CNOT1: variants seen among roughly 807,000 people sequenced by gnomAD.
CNOT1 encodes CCR4-associated factor 1.
CNOT1 carries 15 observed loss-of-function variants against 273.8 expected under a neutral mutation model. The ratio of observed to expected loss-of-function variants is 0.05; its 90% CI spans 0.04 to 0.08. The LOEUF (loss-of-function observed/expected upper bound fraction) is 0.08. CNOT1 is among the 10% of genes least tolerant of loss of function. The probability of loss-of-function intolerance (pLI) is 1.00; values close to 1 mark genes in which losing one functional copy is unlikely to be tolerated. For missense variants in CNOT1, 1,644 were observed against 2,912.2 expected (o/e 0.56, Z 10.02); for synonymous variants, 1,022 against 1,005.5 (o/e 1.02, Z -0.31).
intron 1 of CNOT1, among the ~76,000 whole-genome samples, chr16:58,611,221 G>T (rs191417776): frequency 3.3e-5 from 5 of 150,634 alleles, no homozygotes; most frequent in Non-Finnish European, 7.4e-5. Context: ...CTGAGCTCAG[G>T]AGTTCAAGAC....
At chr16:58,592,114 C>T (rs1016197523) in intron 2 of CNOT1, among the ~76,000 whole-genome samples, 2 of 152,150 alleles carry the variant, frequency 1.3e-5, no homozygotes, top group African/African-American at 4.8e-5. Context: ...TTACTCGTCT[C>T]CCCTTCCCAA....
intron 39 of CNOT1, among the ~76,000 whole-genome samples, chr16:58,535,985 C>T (rs949589775): frequency 2.6e-5 from 4 of 152,150 alleles, no homozygotes; most frequent in South Asian, 2.1e-4. Flanking sequence ...CCGCCTGCCT[C>T]GGCCTCCCAA....
intron 32 of CNOT1, 44 bp downstream of exon 32, chr16:58,542,384 A>G (rs1203965228): frequency 1.1e-5 from 18 of 1,612,870 alleles, no homozygotes; most frequent in Non-Finnish European, 1.5e-5. Flanking sequence ...GCACTTCCCT[A>G]AATTAAAAAA....
intron 3 of CNOT1, among the ~76,000 whole-genome samples, chr16:58,588,110 C>T (rs977101400): frequency 2.6e-5 from 4 of 152,052 alleles, no homozygotes. Context: ...ACCTGCCTGG[C>T]CAACATGGTA....
rs1471396222 is a variant in CNOT1 at position 58,622,178 on chromosome 16, G to C, written c.-175+7550C>G. 8.6e-5 allele frequency among the ~76,000 whole-genome samples: 13 copies of C among 151,438 alleles called. 1 individual carries two copies. The South Asian group carries it at 2.5e-3, about 29-fold the overall frequency. On this transcript the variant is annotated intron_variant, in intron 1 of 48. Transcript: ENST00000317147. Reference sequence around the variant, plus strand: ...AACTATAAAAAATTAGCCAGGCGTGGTGGTGGGCGCCTGTAGTCCCAGTTA... The same window carrying C: ...AACTATAAAAAATTAGCCAGGCGTGCTGGTGGGCGCCTGTAGTCCCAGTTA...
At chr16:58,546,944 A>G (rs948852748) in intron 27 of CNOT1, among the ~76,000 whole-genome samples, 195 bp from the exon 28 acceptor site, 2 of 152,240 alleles carry the variant, frequency 1.3e-5, no homozygotes, top group Admixed American at 1.3e-4. Context: ...CAAAACCCCT[A>G]GCCTTCTCAC....
intron 1 of CNOT1, among the ~76,000 whole-genome samples, chr16:58,626,137 A>G (rs1328249296): frequency 6.6e-6 from 1 of 152,064 alleles, no homozygotes; most frequent in African/African-American, 2.4e-5. Flanking sequence ...GCCGGGTGCT[A>G]TGGCTCACGC....
At position 58,534,734 on chromosome 16, in the gene CNOT1, G is replaced by A. The variant is rs1050225043; in HGVS notation, c.5647-339C>T. The stretch of plus-strand genomic sequence containing the variant: ...TAACTGTAAGTCATGTTAAGACATT[G>A]TGGACTCCAAGGAGAAGACTAAATT... On this transcript the variant is annotated intron_variant, in intron 39 of 48. Transcript: ENST00000317147. Among the ~76,000 whole-genome samples the A allele has an allele frequency of 3.3e-5, 5 of 152,198 alleles. No individual in the cohort carries two copies. The East Asian group carries it at 7.7e-4, about 23-fold the overall frequency.
At chr16:58,604,610 C>G (rs1433514114) in intron 1 of CNOT1, among the ~76,000 whole-genome samples, 2 of 139,958 alleles carry the variant, frequency 1.4e-5, no homozygotes, top group East Asian at 4.2e-4. Flanking sequence ...GGAGAAACCC[C>G]ATCTCTGCTA....
In CNOT1 at chr16:58,547,438, T is replaced by C; in HGVS notation, c.3639+128A>G. The C allele has an allele frequency of 2.0e-6, 3 of 1,506,040 alleles. No individual in the cohort carries two copies. The highest frequency in any genetic ancestry group is 2.7e-6 in the Non-Finnish European group (3 of 1,120,214). 93.3% of individuals were successfully genotyped at this position (1,506,040 alleles called of 1,614,324 possible). A position where few individuals can be genotyped will look rare whatever the true frequency, so the allele number is the denominator to read the frequency against. On this transcript the variant is annotated intron_variant, in intron 26 of 48. Transcript: ENST00000317147. This position sits in a 1 kb window ranked among gnomAD's most constrained non-coding sequence, Gnocchi z 4.0. ...TAGTCCTTGCCTTACAAAAAGGGGTTAACAACTCAAAACGTGGGCCAAAAT... is the reference window on the plus strand; with the variant it reads ...TAGTCCTTGCCTTACAAAAAGGGGTCAACAACTCAAAACGTGGGCCAAAAT...
intron 13 of CNOT1, 122 bp from the exon 14 acceptor site, chr16:58,576,704 AAG>A: frequency 6.9e-7 from 1 of 1,441,584 alleles, no homozygotes; most frequent in Non-Finnish European, 9.3e-7. Context: ...TGCTGACATT[AAG>A]TTCAGGCCTC....
chr16:58,601,996 A>G (rs2042483869), intron 1 of CNOT1, among the ~76,000 whole-genome samples: 1 of 151,996 alleles, frequency 6.6e-6, no homozygotes, highest in Admixed American at 6.6e-5. Flanking sequence ...TTGGCTTCAC[A>G]ATATTGGAGT....
Position 58,547,322 on chromosome 16 carries a change from A to T in CNOT1, c.3640-26T>A, listed in dbSNP as rs753593386. On this transcript the variant is annotated intron_variant, in intron 26 of 48. Transcript: ENST00000317147. This position sits in a 1 kb window ranked among gnomAD's most constrained non-coding sequence, Gnocchi z 4.0. ...CTAGAATAAGAAAAATACTTTCAAA[A>T]GCGGGGAATATACCCCCCAAAATGG... 27 of 1,611,238 alleles carry T rather than the reference A, an allele frequency of 1.7e-5. No individual in the cohort carries two copies. The highest frequency in any genetic ancestry group is 2.1e-5 in the Non-Finnish European group (25 of 1,179,028).
intron 34 of CNOT1, among the ~76,000 whole-genome samples, 193 bp downstream of exon 34, chr16:58,541,308 C>T (rs1002905048): frequency 2.6e-5 from 4 of 152,134 alleles, no homozygotes; most frequent in African/African-American, 9.7e-5. Flanking sequence ...TCACCCACAC[C>T]CATGTCAATT....
At chr16:58,532,769 C>T (rs1437550872) in intron 40 of CNOT1, 1 of 173,840 alleles carries the variant, frequency 5.8e-6, no homozygotes, top group Non-Finnish European at 1.2e-5. Flanking sequence ...TTACTCCTAT[C>T]TTGGCATTTA....
chr16:58,586,965 T>C (rs1375023809), intron 6 of CNOT1, among the ~76,000 whole-genome samples: 5 of 152,204 alleles, frequency 3.3e-5, no homozygotes, highest in Non-Finnish European at 1.5e-5. Context: ...TAGTTCTGTT[T>C]GGCAAAATAA....
intron 1 of CNOT1, among the ~76,000 whole-genome samples, chr16:58,608,621 C>G (rs1287725194): frequency 2.7e-5 from 4 of 149,368 alleles, no homozygotes; most frequent in African/African-American, 9.9e-5. Context: ...TACTGGGTAT[C>G]TGTCCAGAAG....
chr16:58,532,142 T>G lies in CNOT1; in HGVS notation c.6060-67A>C. The G allele has an allele frequency of 4.4e-6, 7 of 1,607,402 alleles. No individual in the cohort carries two copies. In the Admixed American group the frequency reaches 8.4e-5, roughly 19 times the overall value. On this transcript the variant is annotated intron_variant, in intron 41 of 48. Transcript: ENST00000317147. ...AAATACAGTGAACAGCACATGAATG[T>G]AGGCTCAAAATGCTCAAGAGTTCTA...
intron 1 of CNOT1, among the ~76,000 whole-genome samples, chr16:58,604,293 CA>C (rs1035063414): frequency 7.2e-5 from 11 of 152,142 alleles, no homozygotes; most frequent in African/African-American, 2.2e-4. Flanking sequence ...AAGTTCATCA[CA>C]AAAATATTTA....
Sources: gnomAD v4.1 joint callset for allele counts (sites outside exome capture counted in the v4.1 genomes callset) on GRCh38, gnomAD v4.1.1 for gene constraint, Gnocchi (gnomAD v3.1) non-coding constraint, MANE v1.5 for transcripts, NCBI Gene and HGNC (gene_info 2026-07-23, HGNC 2026-07-21) for gene names.